PTPRM: variants seen among roughly 807,000 people sequenced by gnomAD.
PTPRM encodes the protein receptor-type tyrosine-protein phosphatase mu.
Under a neutral mutation model 186.7 loss-of-function variants are expected in PTPRM, and 47 were observed. That is an observed-to-expected ratio of 0.25 (90% CI 0.20 to 0.32). PTPRM has a LOEUF of 0.32. Among genes scored for constraint, PTPRM ranks in the 10% least tolerant of loss-of-function variants. PTPRM has a pLI of 1.00. For missense variants in PTPRM, 1,494 were observed against 1,865.0 expected (o/e 0.80, Z 3.66); for synonymous variants, 668 against 674.9 (o/e 0.99, Z 0.16).
rs143527603 is a variant in PTPRM at position 7,721,331 on chromosome 18, T to C, written c.74-52818T>C. Among the ~76,000 whole-genome samples, 1,439 of 152,214 alleles carry C rather than the reference T, an allele frequency of 9.5e-3. 34 individuals carry two copies. The highest frequency in any genetic ancestry group is 0.033 in the African/African-American group (1,375 of 41,554). On this transcript the variant is annotated intron_variant, in intron 1 of 32. Transcript: ENST00000580170. The stretch of plus-strand genomic sequence containing the variant: ...ATTTTATAATTGGATTTTTTGTTAT[T>C]GTTGATTTTTAGGACTTCTTCATAT...
chr18:7,654,736 C>A (rs112815348), intron 1 of PTPRM, among the ~76,000 whole-genome samples: 1 of 152,062 alleles, frequency 6.6e-6, no homozygotes, highest in East Asian at 1.9e-4. Flanking sequence ...CTTTTGTTAG[C>A]GTTGTCAAAG....
intron 14 of PTPRM, among the ~76,000 whole-genome samples, chr18:8,205,769 T>C (rs1036447834): frequency 1.2e-4 from 18 of 152,292 alleles, no homozygotes; most frequent in Middle Eastern, 3.4e-3. Flanking sequence ...AATAATCTTA[T>C]CTAGTTGCAT....
intron 13 of PTPRM, among the ~76,000 whole-genome samples, chr18:8,141,369 T>G (rs996453089): frequency 3.9e-5 from 6 of 152,142 alleles, no homozygotes; most frequent in Non-Finnish European, 7.4e-5. Flanking sequence ...CAGGCCAAGA[T>G]AGAACATTTC....
At chr18:7,578,502 A>T (rs1284073754) in intron 1 of PTPRM, among the ~76,000 whole-genome samples, 9 of 151,570 alleles carry the variant, frequency 5.9e-5, no homozygotes, top group Admixed American at 5.9e-4. Context: ...TGCCCGGCTA[A>T]TTTTTTGTAT....
intron 1 of PTPRM, among the ~76,000 whole-genome samples, chr18:7,701,338 C>T (rs903697919): frequency 6.7e-6 from 1 of 149,472 alleles, no homozygotes; most frequent in African/African-American, 2.5e-5. Context: ...TGGTGGCTCA[C>T]ACCTGTAATC....
intron 1 of PTPRM, among the ~76,000 whole-genome samples, chr18:7,625,920 T>C (rs2038050200): frequency 1.3e-5 from 2 of 152,156 alleles, no homozygotes; most frequent in African/African-American, 4.8e-5. Flanking sequence ...TAGTGGTCAG[T>C]GTGTGACATT....
At chr18:8,281,684 G>A (rs2094905752) in intron 19 of PTPRM, among the ~76,000 whole-genome samples, 1 of 152,080 alleles carries the variant, frequency 6.6e-6, no homozygotes, top group Non-Finnish European at 1.5e-5. Flanking sequence ...TCATTTAGAG[G>A]TAGAAGTGGA....
At chr18:7,948,940 G>A (rs1173750737) in intron 5 of PTPRM, among the ~76,000 whole-genome samples, 1 of 152,000 alleles carries the variant, frequency 6.6e-6, no homozygotes, top group Admixed American at 6.6e-5. Flanking sequence ...ATTTTGAAGA[G>A]GCAAAAACAA....
chr18:7,574,986 C>A (rs1260107734), intron 1 of PTPRM, among the ~76,000 whole-genome samples: 1 of 152,118 alleles, frequency 6.6e-6, no homozygotes, highest in African/African-American at 2.4e-5. Flanking sequence ...GAGCCGAGAT[C>A]GCGCCACTGC....
Position 8,099,107 on chromosome 18 carries a change from G to GCACA in PTPRM, c.1856+10267_1856+10270dup, listed in dbSNP as rs144615554. Among the ~76,000 whole-genome samples the GCACA allele has an allele frequency of 3.1e-3, 476 of 151,290 alleles. 6 individuals are homozygous for GCACA. Among genetic ancestry groups the GCACA allele is most frequent in the African/African-American group, 0.01 (430 of 41,242 alleles). ...CTTTTATCTTCCCTCTGTCCTGCCT[G>GCACA]CACACACACACACAGTCTCTCCACA... On this transcript the variant is annotated intron_variant, in intron 11 of 32. Transcript: ENST00000580170.
intron 23 of PTPRM, among the ~76,000 whole-genome samples, chr18:8,363,343 A>G (rs1377847931): frequency 6.6e-6 from 1 of 152,230 alleles, no homozygotes; most frequent in Admixed American, 6.5e-5. Context: ...AAGGAAACTG[A>G]GGGCCAGAAC....
At chr18:7,926,538 T>C in intron 4 of PTPRM, 30 bp from the exon 5 acceptor site, 1 of 1,544,154 alleles carries the variant, frequency 6.5e-7, no homozygotes, top group Admixed American at 1.9e-5. Flanking sequence ...TCTCCACTTT[T>C]AATATCTTTC....
At chr18:7,998,338 G>A (rs1392515804) in intron 7 of PTPRM, among the ~76,000 whole-genome samples, 1 of 152,076 alleles carries the variant, frequency 6.6e-6, no homozygotes, top group Non-Finnish European at 1.5e-5. Flanking sequence ...TTGATCTCAT[G>A]GAGTTAGAGA....
chr18:8,393,992 C>T (rs1457998292), intron 31 of PTPRM, among the ~76,000 whole-genome samples: 5 of 152,228 alleles, frequency 3.3e-5, no homozygotes, highest in South Asian at 2.1e-4. Context: ...GGGGTTTCAC[C>T]GTGTTTAGCC....
intron 19 of PTPRM, among the ~76,000 whole-genome samples, chr18:8,282,378 A>G (rs910403298): frequency 2.6e-5 from 4 of 152,206 alleles, no homozygotes; most frequent in Admixed American, 6.5e-5. Context: ...AAACTAAAAC[A>G]GATGCCAGGC....
intron 5 of PTPRM, among the ~76,000 whole-genome samples, chr18:7,937,117 A>G (rs991131130): frequency 5.3e-5 from 8 of 152,136 alleles, no homozygotes; most frequent in African/African-American, 1.7e-4. Context: ...CATTCTTCCT[A>G]GACACAGGAC....
chr18:8,224,314 G>T (rs1265628060), intron 14 of PTPRM, among the ~76,000 whole-genome samples: 1 of 152,200 alleles, frequency 6.6e-6, no homozygotes, highest in Non-Finnish European at 1.5e-5. Context: ...AAAGGGGAAA[G>T]ACAGTCAATG....
chr18:8,256,079 T>G (rs1568613504), intron 19 of PTPRM, among the ~76,000 whole-genome samples: 1 of 152,234 alleles, frequency 6.6e-6, no homozygotes, highest in Non-Finnish European at 1.5e-5. Flanking sequence ...TTTTGAAGTT[T>G]ATGTAGTTTT....
intron 5 of PTPRM, among the ~76,000 whole-genome samples, chr18:7,935,925 T>C (rs2051776863): frequency 1.3e-5 from 2 of 152,248 alleles, no homozygotes; most frequent in South Asian, 4.1e-4. Context: ...GCATCACCAC[T>C]AATCTTAAGG....
Sources: gnomAD v4.1 joint callset for allele counts (sites outside exome capture counted in the v4.1 genomes callset) on GRCh38, gnomAD v4.1.1 for gene constraint, MANE v1.5 for transcripts, NCBI Gene and HGNC (gene_info 2026-07-23, HGNC 2026-07-21) for gene names.